The following IL1RAPL2 variants were observed in gnomAD, a reference collection of about 807,000 sequenced individuals.
IL1RAPL2 encodes X-linked interleukin-1 receptor accessory protein-like 2.
A neutral mutation model predicts 44.1 loss-of-function variants in IL1RAPL2; 3 were observed. The ratio of observed to expected loss-of-function variants is 0.07; its 90% CI spans 0.03 to 0.18. The LOEUF is 0.18. IL1RAPL2 is among the 10% of genes least tolerant of loss of function. The pLI is 1.00. For missense variants in IL1RAPL2, 391 were observed against 496.4 expected, an observed-to-expected ratio of 0.79 and a Z score of 2.02; for synonymous variants, 181 against 178.8, an observed-to-expected ratio of 1.01 and a Z score of -0.10.
At chrX:105,386,974 G>A (rs16984733) in intron 5 of IL1RAPL2, among the ~76,000 whole-genome samples, 1 of 110,873 alleles carries the variant, frequency 9.0e-6, no homozygotes, top group Non-Finnish European at 1.9e-5. Context: ...TCTCTAATTA[G>A]GACTCCTTGT....
At chrX:104,568,535 G>A (rs1218917719) in intron 1 of IL1RAPL2, among the ~76,000 whole-genome samples, 1 of 111,774 alleles carries the variant, frequency 8.9e-6, no homozygotes, top group Non-Finnish European at 1.9e-5. Context: ...TTTGCGGGCC[G>A]CCCTGGGCTA....
chrX:104,596,050 C>T (rs910137774), intron 1 of IL1RAPL2, among the ~76,000 whole-genome samples: 1 of 110,677 alleles, frequency 9.0e-6, no homozygotes, highest in African/African-American at 3.3e-5. Flanking sequence ...CTTAAACATG[C>T]ATTCAATAAA....
At chrX:105,765,498 C>T (rs2038722594) in intron 10 of IL1RAPL2, among the ~76,000 whole-genome samples, 1 of 112,323 alleles carries the variant, frequency 8.9e-6, no homozygotes, top group Non-Finnish European at 1.9e-5. Flanking sequence ...AGTTCCCTCT[C>T]TTCTTAGACA....
chrX:104,737,138 A>G (rs752977704), intron 2 of IL1RAPL2, among the ~76,000 whole-genome samples: 2 of 112,939 alleles, frequency 1.8e-5, no homozygotes, highest in African/African-American at 3.2e-5. Flanking sequence ...GCTCAAGGCC[A>G]TGGAAAACTA....
intron 1 of IL1RAPL2, among the ~76,000 whole-genome samples, chrX:104,657,096 A>G (rs1212752044): frequency 9.0e-6 from 1 of 111,093 alleles, no homozygotes; most frequent in Non-Finnish European, 1.9e-5. Flanking sequence ...GGTCTCCTGA[A>G]TACAGCACAC....
chrX:105,157,348 C>T (rs2033278528), intron 2 of IL1RAPL2, among the ~76,000 whole-genome samples: 1 of 111,097 alleles, frequency 9.0e-6, no homozygotes, highest in Non-Finnish European at 1.9e-5. Context: ...CTGCTGACTT[C>T]CTTGTATCTT....
intron 2 of IL1RAPL2, among the ~76,000 whole-genome samples, chrX:104,669,282 C>T (rs776378484): frequency 3.6e-5 from 4 of 111,518 alleles, no homozygotes; most frequent in East Asian, 2.8e-4. Context: ...ACTGAGCATT[C>T]GGTGTTATTG....
chrX:105,052,477 C>A (rs1411243469), intron 2 of IL1RAPL2, among the ~76,000 whole-genome samples: 1 of 112,041 alleles, frequency 8.9e-6, no homozygotes, highest in African/African-American at 3.2e-5. Context: ...CTGTGTAATA[C>A]TGTTCTCTGG....
intron 3 of IL1RAPL2, among the ~76,000 whole-genome samples, chrX:105,200,222 A>T (rs782246597): frequency 8.9e-6 from 1 of 112,543 alleles, no homozygotes; most frequent in Non-Finnish European, 1.9e-5. Flanking sequence ...AAAAATGAAG[A>T]TATGAAATAT....
intron 5 of IL1RAPL2, among the ~76,000 whole-genome samples, chrX:105,355,928 C>A (rs2392752): frequency 0.13 from 14,326 of 110,273 alleles, 2,290 homozygotes; most frequent in African/African-American, 0.45. Flanking sequence ...ATAGGCTATA[C>A]AATCTAAGAA....
intron 2 of IL1RAPL2, among the ~76,000 whole-genome samples, chrX:104,895,985 C>A (rs977820303): frequency 8.9e-6 from 1 of 112,108 alleles, no homozygotes; most frequent in African/African-American, 3.2e-5. Flanking sequence ...AGGCCTAGAC[C>A]TCCTCATTGC....
At chrX:105,447,770 A>G (rs2035980016) in intron 5 of IL1RAPL2, among the ~76,000 whole-genome samples, 1 of 88,068 alleles carries the variant, frequency 1.1e-5, no homozygotes, top group Non-Finnish European at 2.0e-5. Flanking sequence ...GTAAATATAT[A>G]TAAATATATT....
At chrX:104,963,331 G>C (rs2030044929) in intron 2 of IL1RAPL2, among the ~76,000 whole-genome samples, 1 of 111,896 alleles carries the variant, frequency 8.9e-6, no homozygotes, top group South Asian at 3.7e-4. Context: ...TCCAACCAAG[G>C]AGGTTTCATC....
At chrX:105,135,344 T>C (rs1385274949) in intron 2 of IL1RAPL2, among the ~76,000 whole-genome samples, 2 of 111,494 alleles carry the variant, frequency 1.8e-5, no homozygotes, top group Non-Finnish European at 3.8e-5. Context: ...TTATTTAGTT[T>C]CAATTTTTCA....
At chrX:105,034,688 A>G (rs2031588626) in intron 2 of IL1RAPL2, among the ~76,000 whole-genome samples, 1 of 112,447 alleles carries the variant, frequency 8.9e-6, no homozygotes, top group Non-Finnish European at 1.9e-5. Context: ...CTCTGGGGTC[A>G]GGGACCCACT....
chrX:104,800,959 C>T (rs193276667), intron 2 of IL1RAPL2, among the ~76,000 whole-genome samples: 318 of 112,514 alleles, frequency 2.8e-3, no homozygotes, highest in Admixed American at 5.9e-3. Flanking sequence ...GCCAAGATGT[C>T]CAGGGAATCT....
At chrX:105,305,932 A>T (rs1479882614) in intron 5 of IL1RAPL2, among the ~76,000 whole-genome samples, 1 of 111,396 alleles carries the variant, frequency 9.0e-6, no homozygotes, top group Admixed American at 9.6e-5. Flanking sequence ...AGGGTTTTTT[A>T]AAATTTTAAA....
At chrX:104,963,913 A>ATG (rs2030056209) in intron 2 of IL1RAPL2, among the ~76,000 whole-genome samples, 1 of 91,038 alleles carries the variant, frequency 1.1e-5, no homozygotes, top group African/African-American at 4.5e-5. Context: ...TAATAATAGG[A>ATG]TGTGCGTGTG....
At chrX:104,688,062 C>T (rs1455262632) in intron 2 of IL1RAPL2, among the ~76,000 whole-genome samples, 4 of 112,033 alleles carry the variant, frequency 3.6e-5, no homozygotes, top group African/African-American at 6.5e-5. Context: ...CTGAACCATG[C>T]CCATCTCTCC....
Sources: allele counts gnomAD v4.1 joint callset (sites outside exome capture counted in the v4.1 genomes callset), GRCh38; gene constraint gnomAD v4.1.1; transcripts MANE v1.5; gene names NCBI Gene and HGNC (gene_info 2026-07-23, HGNC 2026-07-21).